Variants in KCNN2 observed in about 807,000 individuals in gnomAD.
KCNN2 encodes the protein potassium calcium-activated channel subfamily N member 2.
Under a neutral mutation model 55.5 loss-of-function variants are expected in KCNN2, and 24 were observed. The observed-to-expected ratio is 0.43, with a 90% CI of 0.31 to 0.61. The LOEUF (loss-of-function observed/expected upper bound fraction) is 0.61, where lower values mean the gene tolerates loss of function less well. Ranked by LOEUF, KCNN2 falls within the 20% of genes least tolerant of loss-of-function variation. The pLI is 0.08. For synonymous variants in KCNN2, 431 were observed against 336.1 expected, an observed-to-expected ratio of 1.28 and a Z score of -3.09; for missense variants, 754 against 853.6, an observed-to-expected ratio of 0.88 and a Z score of 1.45.
intron 2 of KCNN2, among the ~76,000 whole-genome samples, chr5:114,292,825 A>G (rs1429122508): frequency 1.3e-5 from 2 of 152,230 alleles, no homozygotes; most frequent in East Asian, 1.9e-4. Flanking sequence ...ACCCATGAGC[A>G]TGGAATATTC....
At chr5:114,239,316 T>G (rs1265336761) in intron 2 of KCNN2, among the ~76,000 whole-genome samples, 1 of 151,992 alleles carries the variant, frequency 6.6e-6, no homozygotes, top group African/African-American at 2.4e-5. Context: ...CCAAAGACTT[T>G]GAGAAGGAAA....
At chr5:114,238,695 G>GATTCC (rs1303808177) in intron 2 of KCNN2, among the ~76,000 whole-genome samples, 1 of 151,866 alleles carries the variant, frequency 6.6e-6, no homozygotes, top group Non-Finnish European at 1.5e-5. Context: ...CAATTTATTG[G>GATTCC]ATTCCACCAT....
chr5:114,332,986 A>G lies in KCNN2; in HGVS notation c.-184-27959A>G, dbSNP rs10054230. On this transcript the variant is annotated intron_variant, in intron 2 of 10. Transcript: ENST00000512097. ...TTCTTCCTGCCTGGATTTATACAAT[A>G]CCTGGTCTCGCCTCACAATAATCTA... 4.2e-3 allele frequency among the ~76,000 whole-genome samples: 642 copies of G among 152,218 alleles called. 2 individuals carry two copies. The highest frequency in any genetic ancestry group is 7.4e-3 in the Non-Finnish European group (500 of 68,022).
intron 1 of KCNN2, among the ~76,000 whole-genome samples, chr5:114,105,386 G>C (rs968225169): frequency 6.7e-6 from 1 of 148,554 alleles, no homozygotes; most frequent in African/African-American, 2.5e-5. Context: ...AAAAGCTACA[G>C]CTTCTTTGAT....
intron 3 of KCNN2, among the ~76,000 whole-genome samples, chr5:114,413,542 C>T (rs1293454834): frequency 1.3e-5 from 2 of 152,300 alleles, no homozygotes; most frequent in African/African-American, 4.8e-5. Flanking sequence ...CCCACTAGGC[C>T]TCTCAAAGTG....
At chr5:114,426,471 C>A (rs533772508) in intron 3 of KCNN2, among the ~76,000 whole-genome samples, 32 of 152,152 alleles carry the variant, frequency 2.1e-4, no homozygotes, top group African/African-American at 7.5e-4. Context: ...CTGATGATGT[C>A]TTTGATTTAA....
chr5:114,318,806 G>GGAAGA (rs1313437223), intron 2 of KCNN2, among the ~76,000 whole-genome samples: 5 of 151,812 alleles, frequency 3.3e-5, no homozygotes, highest in Non-Finnish European at 5.9e-5. Flanking sequence ...ATAATCCTTG[G>GGAAGA]ATTATGCTTC....
chr5:114,462,866 C>T (rs139798199), intron 3 of KCNN2, among the ~76,000 whole-genome samples, 183 bp from the exon 4 acceptor site: 1 of 152,278 alleles, frequency 6.6e-6, no homozygotes, highest in East Asian at 1.9e-4. Context: ...AGTTGAGGCA[C>T]TTTCTGATGT....
At chr5:114,180,436 C>G (rs116731681) in intron 1 of KCNN2, among the ~76,000 whole-genome samples, 2,520 of 152,158 alleles carry the variant, frequency 0.017, 64 homozygotes, top group African/African-American at 0.057. Flanking sequence ...ATAGTTAACA[C>G]TATAAAAGTG....
At chr5:114,167,673 A>C (rs1298779576) in intron 1 of KCNN2, among the ~76,000 whole-genome samples, 2 of 152,138 alleles carry the variant, frequency 1.3e-5, no homozygotes, top group African/African-American at 4.8e-5. Context: ...GCCCCATTTC[A>C]AAAAGTATTG....
In KCNN2 at chr5:114,123,515, A is replaced by C. The variant is rs960042047; in HGVS notation, c.-271+67015A>C. On this transcript the variant is annotated intron_variant, in intron 1 of 10. Transcript: ENST00000512097. ...GTAGCTGGGACTACAGGCGCCCGCCACCACGCCCGGCTAATTTTTTGTGTT... is the reference window on the plus strand; with the variant it reads ...GTAGCTGGGACTACAGGCGCCCGCCCCCACGCCCGGCTAATTTTTTGTGTT... 4.2e-5 allele frequency among the ~76,000 whole-genome samples: 5 copies of C among 119,148 alleles called. 1 individual carries two copies. Among genetic ancestry groups the C allele is most frequent in the Admixed American group, 2.4e-4 (3 of 12,654 alleles). 78.2% of individuals were successfully genotyped at this position (119,148 alleles called of 152,430 possible).
At chr5:114,077,343 G>A (rs552251072) in intron 1 of KCNN2, among the ~76,000 whole-genome samples, 2 of 152,358 alleles carry the variant, frequency 1.3e-5, no homozygotes, top group East Asian at 1.9e-4. Flanking sequence ...CCAGCGTTAC[G>A]AAGACCACAT....
At chr5:114,198,984 T>A (rs1328127145) in intron 1 of KCNN2, among the ~76,000 whole-genome samples, 1 of 152,138 alleles carries the variant, frequency 6.6e-6, no homozygotes, top group Non-Finnish European at 1.5e-5. Flanking sequence ...GTTTCTTTGT[T>A]AATTTTTTGT....
At chr5:114,267,810 G>C (rs1755240024) in intron 2 of KCNN2, among the ~76,000 whole-genome samples, 1 of 152,106 alleles carries the variant, frequency 6.6e-6, no homozygotes, top group African/African-American at 2.4e-5. Flanking sequence ...ACTTAATTAA[G>C]TTATCTAAAT....
At chr5:114,412,127 T>A (rs1397348787) in intron 3 of KCNN2, among the ~76,000 whole-genome samples, 2 of 152,176 alleles carry the variant, frequency 1.3e-5, no homozygotes, top group African/African-American at 4.8e-5. Flanking sequence ...ATAGAGGATA[T>A]GAGATTTGGG....
At chr5:114,177,286 C>T (rs996207619) in intron 1 of KCNN2, among the ~76,000 whole-genome samples, 5 of 151,904 alleles carry the variant, frequency 3.3e-5, no homozygotes, top group South Asian at 2.1e-4. Context: ...TACAGGAGCC[C>T]GCCACCGCGC....
At chr5:114,273,490 T>G (rs1349644482) in intron 2 of KCNN2, among the ~76,000 whole-genome samples, 1 of 152,102 alleles carries the variant, frequency 6.6e-6, no homozygotes, top group Admixed American at 6.6e-5. Flanking sequence ...CACGTTCCTA[T>G]TTTTCCATAT....
At chr5:114,324,313 T>G (rs1430628989) in intron 2 of KCNN2, among the ~76,000 whole-genome samples, 3 of 152,218 alleles carry the variant, frequency 2.0e-5, no homozygotes, top group Non-Finnish European at 4.4e-5. Context: ...ATGATTAAAA[T>G]TAAGAACCTT....
intron 1 of KCNN2, among the ~76,000 whole-genome samples, chr5:114,102,388 C>T (rs758179879): frequency 4.0e-5 from 6 of 151,834 alleles, no homozygotes; most frequent in Non-Finnish European, 8.8e-5. Flanking sequence ...CTATAGATTG[C>T]CTGTTCACTC....
Sources: allele counts gnomAD v4.1 joint callset (sites outside exome capture counted in the v4.1 genomes callset), GRCh38; gene constraint gnomAD v4.1.1; transcripts MANE v1.5; gene names NCBI Gene and HGNC (gene_info 2026-07-23, HGNC 2026-07-21).